DPYD: variants seen among roughly 807,000 people sequenced by gnomAD.
The protein encoded by DPYD is dihydropyrimidine dehydrogenase [NADP(+)].
Under a neutral mutation model 116.2 loss-of-function variants are expected in DPYD, and 109 were observed. The observed-to-expected ratio is 0.94, with a 90% CI of 0.80 to 1.10. The LOEUF (loss-of-function observed/expected upper bound fraction) is 1.10. Ranked by LOEUF, DPYD falls within the 50% of genes least tolerant of loss-of-function variation. The pLI, the probability that DPYD is intolerant of heterozygous loss-of-function variation, is 0.00. For synonymous variants in DPYD, 440 were observed against 432.0 expected (o/e 1.02, Z -0.23); for missense variants, 1,302 against 1,254.5 (o/e 1.04, Z -0.57).
chr1:97,589,417 T>C (rs976959238), intron 10 of DPYD, among the ~76,000 whole-genome samples: 2 of 152,202 alleles, frequency 1.3e-5, no homozygotes, highest in African/African-American at 2.4e-5. Context: ...CTGATGATTG[T>C]ATAAGTGGCT....
At chr1:97,672,219 A>T (rs1368627533) in intron 8 of DPYD, among the ~76,000 whole-genome samples, 1 of 152,122 alleles carries the variant, frequency 6.6e-6, no homozygotes, top group Non-Finnish European at 1.5e-5. Flanking sequence ...AATATTGCTG[A>T]TATTTCTGCA....
intron 20 of DPYD, among the ~76,000 whole-genome samples, chr1:97,116,994 C>CAAAAA (rs397784957): frequency 9.3e-6 from 1 of 107,184 alleles, no homozygotes; most frequent in Non-Finnish European, 2.0e-5. Context: ...ACTAAAAATA[C>CAAAAA]AAAAAAAAAA....
At chr1:97,918,587 T>C (rs546252351) in intron 1 of DPYD, among the ~76,000 whole-genome samples, 77 of 152,314 alleles carry the variant, frequency 5.1e-4, no homozygotes, top group African/African-American at 1.7e-3. Context: ...TGATGTGATA[T>C]TGGATTCAGA....
At chr1:97,547,734 G>A (rs908028508) in intron 12 of DPYD, among the ~76,000 whole-genome samples, 1 of 151,992 alleles carries the variant, frequency 6.6e-6, no homozygotes, top group Non-Finnish European at 1.5e-5. Flanking sequence ...AGGCTAGAGT[G>A]CAGTGGTGTG....
intron 8 of DPYD, among the ~76,000 whole-genome samples, chr1:97,613,861 T>A (rs529492394): frequency 2.0e-5 from 3 of 152,046 alleles, no homozygotes; most frequent in African/African-American, 7.2e-5. Flanking sequence ...AGTTCTACCA[T>A]GTTATTTTCC....
chr1:97,097,599 G>A (rs1216932627), intron 21 of DPYD, among the ~76,000 whole-genome samples: 1 of 152,054 alleles, frequency 6.6e-6, no homozygotes, highest in Non-Finnish European at 1.5e-5. Flanking sequence ...AAACAATACT[G>A]TCTTGAGGGT....
At chr1:97,527,080 T>A (rs1468701515) in intron 12 of DPYD, among the ~76,000 whole-genome samples, 1 of 151,840 alleles carries the variant, frequency 6.6e-6, no homozygotes, top group Non-Finnish European at 1.5e-5. Flanking sequence ...CAACCTTTTT[T>A]TTTTTTCTTT....
At chr1:97,447,012 GAC>G (rs1318384290) in intron 14 of DPYD, among the ~76,000 whole-genome samples, 3 of 152,068 alleles carry the variant, frequency 2.0e-5, no homozygotes, top group African/African-American at 7.2e-5. Context: ...GTATAACTGT[GAC>G]AATTCAGAGA....
intron 16 of DPYD, among the ~76,000 whole-genome samples, chr1:97,366,332 G>C (rs752831449): frequency 6.6e-6 from 1 of 152,038 alleles, no homozygotes; most frequent in Non-Finnish European, 1.5e-5. Context: ...TTATTTTAAA[G>C]AACTTCAAAA....
intron 3 of DPYD, among the ~76,000 whole-genome samples, chr1:97,758,715 T>A (rs1220306087): frequency 3.9e-5 from 6 of 152,174 alleles, no homozygotes; most frequent in African/African-American, 1.4e-4. Context: ...TTATTTAAGT[T>A]CAATTTTGAG....
Position 97,563,949 on chromosome 1 carries a change from G to A in DPYD, c.1339+9811C>T, listed in dbSNP as rs149807762. The stretch of plus-strand genomic sequence containing the variant: ...ATCCTCACCCTGCACAACATATTTC[G>A]TAATAGAAAGATGATAAATCTTTCA... On this transcript the variant is annotated intron_variant, in intron 11 of 22. Coordinates refer to ENST00000370192, the MANE Select transcript of DPYD (RefSeq NM_000110.4). Among the ~76,000 whole-genome samples the A allele has an allele frequency of 4.0e-3, 604 of 152,080 alleles. 1 individual carries two copies. Among genetic ancestry groups the A allele is most frequent in the African/African-American group, 0.014 (562 of 41,486 alleles).
intron 14 of DPYD, among the ~76,000 whole-genome samples, chr1:97,422,234 T>C (rs924812167): frequency 1.3e-5 from 2 of 152,200 alleles, no homozygotes; most frequent in African/African-American, 2.4e-5. Flanking sequence ...ATTTACGTTT[T>C]AGAAAATGTG....
At chr1:97,310,476 A>G (rs1667442948) in intron 16 of DPYD, among the ~76,000 whole-genome samples, 1 of 151,838 alleles carries the variant, frequency 6.6e-6, no homozygotes, top group African/African-American at 2.4e-5. Context: ...GCTGCAACAT[A>G]ATGAGCAAAC....
chr1:97,626,506 G>A (rs1656939256), intron 8 of DPYD, among the ~76,000 whole-genome samples: 1 of 151,804 alleles, frequency 6.6e-6, no homozygotes, highest in Non-Finnish European at 1.5e-5. Context: ...CCTCCAAAAG[G>A]AGGCAAGCTC....
At chr1:97,084,216 GC>G (rs1649350207) in intron 21 of DPYD, among the ~76,000 whole-genome samples, 1 of 151,968 alleles carries the variant, frequency 6.6e-6, no homozygotes, top group Non-Finnish European at 1.5e-5. Flanking sequence ...CAAACACCAT[GC>G]ACTTCAGCTA....
chr1:97,389,087 A>T (rs1672523490), intron 14 of DPYD, among the ~76,000 whole-genome samples: 1 of 152,028 alleles, frequency 6.6e-6, no homozygotes, highest in Non-Finnish European at 1.5e-5. Context: ...TCTCTTACTG[A>T]GAGTAAAGAG....
chr1:97,390,915 C>T (rs188160458), intron 14 of DPYD, among the ~76,000 whole-genome samples: 1 of 151,908 alleles, frequency 6.6e-6, no homozygotes, highest in Admixed American at 6.6e-5. Flanking sequence ...TAACAGTGAC[C>T]TCACCAAATA....
rs118088315 is a variant in DPYD at position 97,137,902 on chromosome 1, T to A, written c.2623-39270A>T. Reference sequence around the variant, plus strand: ...CCATATTCACTGTTTATAAGCAGAGTGGTCTTGGTGGGTGCACACCTTAAC... The same window carrying A: ...CCATATTCACTGTTTATAAGCAGAGAGGTCTTGGTGGGTGCACACCTTAAC... On this transcript the variant is annotated intron_variant, in intron 20 of 22. Coordinates refer to ENST00000370192, the MANE Select transcript of DPYD (RefSeq NM_000110.4). Among the ~76,000 whole-genome samples, 22 of 152,102 alleles carry A rather than the reference T, an allele frequency of 1.4e-4. No individual in the cohort carries two copies. The East Asian group carries it at 4.2e-3, about 29-fold the overall frequency.
At chr1:97,864,592 T>C (rs1197170529) in intron 2 of DPYD, among the ~76,000 whole-genome samples, 1 of 151,820 alleles carries the variant, frequency 6.6e-6, no homozygotes, top group Non-Finnish European at 1.5e-5. Flanking sequence ...TTAAGACAGA[T>C]GTTAGATAAA....
Sources: gnomAD v4.1 joint callset for allele counts (sites outside exome capture counted in the v4.1 genomes callset) on GRCh38, gnomAD v4.1.1 for gene constraint, MANE v1.5 for transcripts, NCBI Gene and HGNC (gene_info 2026-07-23, HGNC 2026-07-21) for gene names.